CAB39L: variants seen among roughly 807,000 people sequenced by gnomAD.
CAB39L encodes calcium binding protein 39 like.
A neutral mutation model predicts 39.1 loss-of-function variants in CAB39L; 23 were observed. The observed-to-expected ratio is 0.59, with a 90% CI of 0.42 to 0.83. CAB39L has a LOEUF of 0.83. Ranked by LOEUF, CAB39L falls within the 40% of genes least tolerant of loss-of-function variation. The pLI, the probability that CAB39L is intolerant of heterozygous loss-of-function variation, is 0.00. For synonymous variants in CAB39L, 126 were observed against 137.2 expected, an observed-to-expected ratio of 0.92 and a Z score of 0.57; for missense variants, 366 against 391.9, an observed-to-expected ratio of 0.93 and a Z score of 0.56.
chr13:49,439,295 A>G (rs1957464646), intron 1 of CAB39L, among the ~76,000 whole-genome samples: 1 of 152,068 alleles, frequency 6.6e-6, no homozygotes, highest in South Asian at 2.1e-4. Flanking sequence ...TTACTTTTTT[A>G]TAATTTCAAG....
chr13:49,424,639 G>A (rs747991103), intron 3 of CAB39L, among the ~76,000 whole-genome samples: 18 of 152,108 alleles, frequency 1.2e-4, no homozygotes, highest in African/African-American at 4.3e-4. Flanking sequence ...ACTGGTTGTA[G>A]GATATATGGG....
At position 49,350,828 on chromosome 13, in the gene CAB39L, G is replaced by C; in HGVS notation, c.480C>G (p.Leu160=). 6.2e-7 allele frequency: 1 copy of C among 1,612,678 alleles called. No homozygotes were observed. Among genetic ancestry groups the C allele is most frequent in the East Asian group, 2.2e-5 (1 of 44,834 alleles). The part of the protein sequence containing the change: ...IRHEPLAKII[L]FSNQFRDFFK... ...AGAAATCTCTGAATTGATTAGAAAAGAGGATGATTTTGGCAAGTGGTTCAT... is the reference window on the plus strand; with the variant it reads ...AGAAATCTCTGAATTGATTAGAAAACAGGATGATTTTGGCAAGTGGTTCAT... The change falls in exon 7 of 11, where the codon CTC becomes CTG. Residue 160 remains leucine (L), a synonymous_variant. Transcript: ENST00000409308.
At chr13:49,438,277 T>A (rs1335759654) in intron 1 of CAB39L, among the ~76,000 whole-genome samples, 2 of 152,200 alleles carry the variant, frequency 1.3e-5, no homozygotes, top group Admixed American at 6.5e-5. Context: ...CCTCCTCTTT[T>A]CCTCCCATTT....
At position 49,319,192 on chromosome 13, in the gene CAB39L, C is replaced by T. The variant is rs140045140; in HGVS notation, c.835-8199G>A. ...CTGGGAGGTAGAGGTTGCAGTGAGC[C>T]GAGATCGTGCCACTGTACTCCAGCC... On this transcript the variant is annotated intron_variant, in intron 10 of 10. Transcript: ENST00000409308. 4.7e-4 allele frequency among the ~76,000 whole-genome samples: 72 copies of T among 152,082 alleles called. 1 individual carries two copies. Among genetic ancestry groups the T allele is most frequent in the African/African-American group, 1.6e-3 (65 of 41,482 alleles).
intron 5 of CAB39L, among the ~76,000 whole-genome samples, chr13:49,361,141 C>T (rs939629025): frequency 2.0e-5 from 3 of 152,106 alleles, no homozygotes; most frequent in Non-Finnish European, 2.9e-5. Flanking sequence ...CATGCCATCT[C>T]TCTCCTTAAA....
chr13:49,377,835 C>G (rs1224059778), intron 4 of CAB39L, among the ~76,000 whole-genome samples: 331 of 77,708 alleles, frequency 4.3e-3, no homozygotes, highest in African/African-American at 0.013. Context: ...TGTGAGGAGC[C>G]CCTCTGCCTG....
chr13:49,353,296 T>C (rs1261874980), intron 6 of CAB39L, among the ~76,000 whole-genome samples: 1 of 152,206 alleles, frequency 6.6e-6, no homozygotes, highest in African/African-American at 2.4e-5. Flanking sequence ...GAGGGGTATA[T>C]GTTCTGAAAT....
chr13:49,381,549 GA>G (rs1566105331), intron 4 of CAB39L, among the ~76,000 whole-genome samples: 1 of 152,128 alleles, frequency 6.6e-6, no homozygotes, highest in Non-Finnish European at 1.5e-5. Flanking sequence ...TTTTATAGAT[GA>G]GAAAACTTAG....
chr13:49,384,214 T>C (rs988497400), intron 3 of CAB39L, among the ~76,000 whole-genome samples: 2 of 152,190 alleles, frequency 1.3e-5, no homozygotes, highest in Non-Finnish European at 2.9e-5. Flanking sequence ...AGGAGTAGAT[T>C]CCATCTTAAG....
intron 8 of CAB39L, 60 bp downstream of exon 8, chr13:49,344,119 T>G: frequency 1.0e-6 from 1 of 989,530 alleles, no homozygotes; most frequent in Non-Finnish European, 1.6e-6. Context: ...CAATTGCTCA[T>G]AGATCTAAAA....
intron 5 of CAB39L, among the ~76,000 whole-genome samples, chr13:49,373,726 A>G (rs1384870233): frequency 2.0e-5 from 3 of 152,224 alleles, no homozygotes; most frequent in African/African-American, 7.2e-5. Context: ...ACATGCCACT[A>G]GGTGTGGCAA....
At chr13:49,341,682 C>G (rs1955011985) in intron 8 of CAB39L, among the ~76,000 whole-genome samples, 1 of 152,048 alleles carries the variant, frequency 6.6e-6, no homozygotes, top group African/African-American at 2.4e-5. Flanking sequence ...AGTAGGGTGA[C>G]TATAGTTAAT....
chr13:49,403,026 G>C (rs1956805404), intron 3 of CAB39L, among the ~76,000 whole-genome samples: 1 of 152,078 alleles, frequency 6.6e-6, no homozygotes. Context: ...GTGGTTCTTA[G>C]GATAACTGCA....
rs76146135 is a variant in CAB39L, at chr13:49,439,060, T to C, written c.-245-4837A>G. 2.0e-5 allele frequency among the ~76,000 whole-genome samples: 3 copies of C among 152,344 alleles called. No individual in the cohort carries two copies. The East Asian group carries it at 5.8e-4, about 29-fold the overall frequency. On this transcript the variant is annotated intron_variant, in intron 1 of 10. Coordinates refer to ENST00000409308, the MANE Select transcript of CAB39L (RefSeq NM_001079670.3). ...CTCTCTTTGCCTGTCTTGTCACCTC[T>C]TGACTCCTTTTTAAAAATCTTTTTA...
intron 7 of CAB39L, among the ~76,000 whole-genome samples, chr13:49,350,351 A>C (rs1955308362): frequency 6.6e-6 from 1 of 152,236 alleles, no homozygotes; most frequent in Non-Finnish European, 1.5e-5. Flanking sequence ...TTTCCCCAGA[A>C]TTAATCACTG....
At chr13:49,342,559 A>G (rs1007835311) in intron 8 of CAB39L, among the ~76,000 whole-genome samples, 1 of 152,242 alleles carries the variant, frequency 6.6e-6, no homozygotes, top group Non-Finnish European at 1.5e-5. Context: ...TCTTGCTGTT[A>G]GGTGTCAGGC....
chr13:49,427,507 A>G (rs1957261893), intron 3 of CAB39L, among the ~76,000 whole-genome samples: 2 of 152,144 alleles, frequency 1.3e-5, no homozygotes, highest in South Asian at 2.1e-4. Flanking sequence ...TGGGCAACAC[A>G]GTAAGACCAT....
chr13:49,386,228 T>C (rs1956357618), intron 3 of CAB39L, among the ~76,000 whole-genome samples: 1 of 152,260 alleles, frequency 6.6e-6, no homozygotes, highest in African/African-American at 2.4e-5. Context: ...GTTCTCACTG[T>C]AACAAGCTAA....
In CAB39L at chr13:49,376,947, T is replaced by A. The variant is rs55902900; in HGVS notation, c.276+20A>T. On this transcript the variant is annotated intron_variant, in intron 5 of 10. Transcript: ENST00000409308. ...TTAAAATTGAAAAGCACCACTGACA[T>A]CCTTTTACAGCTGGCTTACCTCAAA... is the stretch of plus-strand genomic sequence containing the variant. 8.4e-6 allele frequency: 13 copies of A among 1,549,384 alleles called. No homozygotes were observed. The Admixed American group carries it at 2.2e-4, about 26-fold the overall frequency.
Sources: gnomAD v4.1 joint callset for allele counts (sites outside exome capture counted in the v4.1 genomes callset) on GRCh38, gnomAD v4.1.1 for gene constraint, MANE v1.5 for transcripts, NCBI Gene and HGNC (gene_info 2026-07-23, HGNC 2026-07-21) for gene names.